CACNB2: variants seen among roughly 807,000 people sequenced by gnomAD.
The protein encoded by CACNB2 is voltage-dependent L-type calcium channel subunit beta-2.
In CACNB2, 42 loss-of-function variants were observed where a neutral mutation model predicts 73.3. The observed-to-expected ratio is 0.57, with a 90% CI of 0.45 to 0.74. The LOEUF (loss-of-function observed/expected upper bound fraction) is 0.74, where lower values mean the gene tolerates loss of function less well. CACNB2 is among the 30% of genes least tolerant of loss of function. The probability of loss-of-function intolerance (pLI) is 0.00; values close to 1 mark genes in which losing one functional copy is unlikely to be tolerated. For missense variants in CACNB2, 940 were observed against 853.0 expected, an observed-to-expected ratio of 1.10 and a Z score of -1.27; for synonymous variants, 348 against 310.3, an observed-to-expected ratio of 1.12 and a Z score of -1.28.
chr10:18,260,403 T>C, intron 2 of CACNB2: 1 of 984,058 alleles, frequency 1.0e-6, no homozygotes, highest in Non-Finnish European at 1.2e-6. Flanking sequence ...CTTCCAGAGT[T>C]ATGTTTATTT....
chr10:18,316,508 G>A (rs1161220245), intron 2 of CACNB2, among the ~76,000 whole-genome samples: 1 of 150,628 alleles, frequency 6.6e-6, no homozygotes, highest in Non-Finnish European at 1.5e-5. Context: ...CTGTCACCCA[G>A]GCTAGACTGC....
chr10:18,343,446 T>A (rs746147729), intron 2 of CACNB2, among the ~76,000 whole-genome samples: 11 of 152,198 alleles, frequency 7.2e-5, no homozygotes, highest in Non-Finnish European at 8.8e-5. Flanking sequence ...GCAGATTTTA[T>A]CTTCTCTGAG....
chr10:18,342,511 G>C (rs180737304), intron 2 of CACNB2, among the ~76,000 whole-genome samples: 2 of 152,230 alleles, frequency 1.3e-5, no homozygotes, highest in Admixed American at 6.5e-5. Flanking sequence ...ATTAATTTTA[G>C]TCCTATCTTT....
chr10:18,365,076 G>T (rs2042294845), intron 2 of CACNB2, among the ~76,000 whole-genome samples: 1 of 152,182 alleles, frequency 6.6e-6, no homozygotes, highest in Non-Finnish European at 1.5e-5. Flanking sequence ...GATGTCTAGA[G>T]AAGTTAAGGC....
At chr10:18,345,084 T>A (rs2041393892) in intron 2 of CACNB2, among the ~76,000 whole-genome samples, 1 of 152,246 alleles carries the variant, frequency 6.6e-6, no homozygotes, top group African/African-American at 2.4e-5. Flanking sequence ...TTGGACTTTT[T>A]AATTGATTTT....
At chr10:18,522,814 G>A (rs1353573153) in intron 9 of CACNB2, among the ~76,000 whole-genome samples, 1 of 146,074 alleles carries the variant, frequency 6.8e-6, no homozygotes, top group African/African-American at 2.5e-5. Flanking sequence ...GGAGGCAGAC[G>A]TTGCAGTGAG....
chr10:18,239,214 G>A (rs980024328), intron 2 of CACNB2, among the ~76,000 whole-genome samples: 6 of 151,900 alleles, frequency 3.9e-5, no homozygotes, highest in Non-Finnish European at 7.4e-5. Context: ...TTTGTTACAC[G>A]GATATATTGT....
At chr10:18,296,685 G>T (rs1165594249) in intron 2 of CACNB2, among the ~76,000 whole-genome samples, 3 of 152,108 alleles carry the variant, frequency 2.0e-5, no homozygotes, top group African/African-American at 4.8e-5. Flanking sequence ...AACTTACAGG[G>T]TACTTAGAGA....
At chr10:18,337,203 C>T (rs2041041860) in intron 2 of CACNB2, among the ~76,000 whole-genome samples, 1 of 152,052 alleles carries the variant, frequency 6.6e-6, no homozygotes, top group African/African-American at 2.4e-5. Context: ...AATCTTGGCT[C>T]ACTGCCCCCT....
At chr10:18,256,320 G>A (rs150751769) in intron 2 of CACNB2, among the ~76,000 whole-genome samples, 7 of 152,236 alleles carry the variant, frequency 4.6e-5, no homozygotes, top group African/African-American at 9.6e-5. Flanking sequence ...AAGCTCAAAA[G>A]CTTTCAATTT....
intron 2 of CACNB2, among the ~76,000 whole-genome samples, chr10:18,371,356 C>T (rs901828199): frequency 7.2e-5 from 11 of 152,120 alleles, no homozygotes; most frequent in East Asian, 5.8e-4. Flanking sequence ...TCCCTCCCCC[C>T]TTTCCCCGAC....
chr10:18,474,015 G>A (rs1015802452), intron 3 of CACNB2, among the ~76,000 whole-genome samples: 1 of 152,162 alleles, frequency 6.6e-6, no homozygotes, highest in African/African-American at 2.4e-5. Context: ...GGTTGGATTT[G>A]CTCGCTAAGA....
chr10:18,192,294 T>C (rs1412355548), intron 2 of CACNB2, among the ~76,000 whole-genome samples: 3 of 152,222 alleles, frequency 2.0e-5, no homozygotes, highest in Non-Finnish European at 4.4e-5. Flanking sequence ...ATTCATGTAT[T>C]ATAATTCATT....
intron 2 of CACNB2, among the ~76,000 whole-genome samples, chr10:18,395,037 C>T (rs2043650677): frequency 1.3e-5 from 2 of 152,070 alleles, no homozygotes; most frequent in Non-Finnish European, 2.9e-5. Flanking sequence ...GAGGTAATCC[C>T]ATGTTGATGG....
chr10:18,308,236 C>T (rs180692058), intron 2 of CACNB2, among the ~76,000 whole-genome samples: 4 of 152,100 alleles, frequency 2.6e-5, no homozygotes, highest in East Asian at 1.9e-4. Context: ...TGAAGTGATC[C>T]GCCTGCCTTG....
chr10:18,532,710 C>CAAAA (rs2053185139), intron 10 of CACNB2, among the ~76,000 whole-genome samples: 2 of 120,270 alleles, frequency 1.7e-5, no homozygotes, highest in African/African-American at 6.2e-5. Flanking sequence ...AACAAAAAAA[C>CAAAA]AAACAAACAA....
intron 9 of CACNB2, among the ~76,000 whole-genome samples, chr10:18,521,895 C>A (rs1336368994): frequency 6.6e-6 from 1 of 152,132 alleles, no homozygotes. Flanking sequence ...ATCAGGAGTC[C>A]CAAATCCCCG....
chr10:18,172,106 T>C (rs2033285557), intron 2 of CACNB2, among the ~76,000 whole-genome samples: 1 of 152,188 alleles, frequency 6.6e-6, no homozygotes, highest in Non-Finnish European at 1.5e-5. Context: ...CCCAGGCCTG[T>C]AATCCCAGCA....
intron 1 of CACNB2, 28 bp from the exon 2 acceptor site, chr10:18,150,855 C>CTTTTTG (rs1396283802): frequency 5.4e-5 from 26 of 484,686 alleles, no homozygotes; most frequent in Non-Finnish European, 7.4e-5. Flanking sequence ...TCTTATTTGT[C>CTTTTTG]TTTTTTTTTT....
Sources: allele counts gnomAD v4.1 joint callset (sites outside exome capture counted in the v4.1 genomes callset), GRCh38; gene constraint gnomAD v4.1.1; transcripts MANE v1.5; gene names NCBI Gene and HGNC (gene_info 2026-07-23, HGNC 2026-07-21).